The following SNX29 variants were observed in gnomAD, a reference collection of about 807,000 sequenced individuals.
The protein encoded by SNX29 is sorting nexin-29.
Under a neutral mutation model 102.1 loss-of-function variants are expected in SNX29, and 78 were observed. That is an observed-to-expected ratio of 0.76 (90% CI 0.64 to 0.92). The LOEUF (loss-of-function observed/expected upper bound fraction) is 0.92, where lower values mean the gene tolerates loss of function less well. Ranked by LOEUF, SNX29 falls within the 40% of genes least tolerant of loss-of-function variation. The pLI, the probability that SNX29 is intolerant of heterozygous loss-of-function variation, is 0.00. For synonymous variants in SNX29, 580 were observed against 414.5 expected (o/e 1.40, Z -4.85); for missense variants, 1,280 against 1,061.7 (o/e 1.21, Z -2.86).
Position 12,279,681 on chromosome 16 carries a change from G to A in SNX29, c.1782+1645G>A, listed in dbSNP as rs79428149. Among the ~76,000 whole-genome samples, 496 of 152,316 alleles carry A rather than the reference G, an allele frequency of 3.3e-3. 2 individuals carry two copies. The highest frequency in any genetic ancestry group is 8.9e-3 in the African/African-American group (370 of 41,580). ...GTGTCAGGATTCGAACCCCTGAAAG[G>A]TAGGACTGTGTCTTTGCCACCTCTG... On this transcript the variant is annotated intron_variant, in intron 15 of 20. Coordinates refer to ENST00000566228, the MANE Select transcript of SNX29 (RefSeq NM_032167.5).
intron 20 of SNX29, among the ~76,000 whole-genome samples, chr16:12,555,033 G>A (rs77095245): frequency 0.013 from 1,938 of 151,738 alleles, 39 homozygotes; most frequent in African/African-American, 0.044. Context: ...CCTGCCTGGT[G>A]CCACCGAGCA....
intron 20 of SNX29, among the ~76,000 whole-genome samples, chr16:12,546,895 G>A (rs1393711557): frequency 1.3e-5 from 2 of 152,228 alleles, no homozygotes; most frequent in South Asian, 2.1e-4. Flanking sequence ...AGGGCTAGGA[G>A]TGCAGCTGGA....
chr16:12,481,793 A>G (rs995249722), intron 19 of SNX29, among the ~76,000 whole-genome samples: 3 of 152,142 alleles, frequency 2.0e-5, no homozygotes, highest in Non-Finnish European at 2.9e-5. Flanking sequence ...CCTCGGCCTC[A>G]CAAAGTGCTG....
intron 14 of SNX29, among the ~76,000 whole-genome samples, chr16:12,216,776 C>T (rs1044494447): frequency 1.7e-4 from 24 of 140,250 alleles, no homozygotes; most frequent in African/African-American, 4.1e-4. Context: ...CAAATTCACT[C>T]GCTTTCTCCA....
chr16:12,427,500 G>A (rs567664115), intron 18 of SNX29, among the ~76,000 whole-genome samples: 4 of 151,852 alleles, frequency 2.6e-5, no homozygotes, highest in African/African-American at 9.7e-5. Context: ...ATTTCCTTTT[G>A]ACAAATAGTA....
Position 12,550,956 on chromosome 16 carries a change from G to T in SNX29, c.2319-17550G>T, listed in dbSNP as rs144893787. Reference sequence around the variant, plus strand: ...AATTTTTAGTTGAATCATAAAGGTAGAATGGGCTTAGGGCACAACAAAAAG... The same window carrying T: ...AATTTTTAGTTGAATCATAAAGGTATAATGGGCTTAGGGCACAACAAAAAG... On this transcript the variant is annotated intron_variant, in intron 20 of 20. Coordinates refer to ENST00000566228, the MANE Select transcript of SNX29 (RefSeq NM_032167.5). Among the ~76,000 whole-genome samples the T allele has an allele frequency of 6.8e-3, 1,028 of 152,288 alleles. 14 individuals are homozygous for T. The highest frequency in any genetic ancestry group is 0.023 in the African/African-American group (976 of 41,552).
intron 20 of SNX29, among the ~76,000 whole-genome samples, chr16:12,532,975 A>T (rs917497287): frequency 1.3e-5 from 2 of 152,230 alleles, no homozygotes; most frequent in Non-Finnish European, 2.9e-5. Flanking sequence ...GTGGCGCAGC[A>T]CGGCTGTGGT....
intron 14 of SNX29, among the ~76,000 whole-genome samples, chr16:12,261,238 G>A (rs1250478844): frequency 2.2e-5 from 3 of 134,242 alleles, no homozygotes; most frequent in Non-Finnish European, 3.1e-5. Context: ...TGCTGAGCTC[G>A]GGTCTGTGTG....
intron 19 of SNX29, among the ~76,000 whole-genome samples, chr16:12,480,512 C>A (rs980143216): frequency 1.3e-5 from 2 of 152,190 alleles, no homozygotes; most frequent in African/African-American, 4.8e-5. Context: ...CACCCTTTGT[C>A]TCAAGATCCC....
intron 3 of SNX29, among the ~76,000 whole-genome samples, chr16:12,010,489 G>T (rs370425632): frequency 6.6e-6 from 1 of 152,080 alleles, no homozygotes; most frequent in Non-Finnish European, 1.5e-5. Flanking sequence ...AGCCAGGTGC[G>T]GTGGTGCAGG....
At chr16:12,368,477 A>G (rs2082567876) in intron 16 of SNX29, among the ~76,000 whole-genome samples, 1 of 152,206 alleles carries the variant, frequency 6.6e-6, no homozygotes, top group African/African-American at 2.4e-5. Context: ...TTGTGTGGCC[A>G]CTTTACCCAA....
rs189254402 is a variant in SNX29, at chr16:12,368,449, C to T, written c.1899+12170C>T. ...GCATTTTCCACACTGGCTTACATCG[C>T]CTGTCGGTCACTGTGTTTTGTGTGG... On this transcript the variant is annotated intron_variant, in intron 16 of 20. Coordinates refer to ENST00000566228, the MANE Select transcript of SNX29 (RefSeq NM_032167.5). Among the ~76,000 whole-genome samples, 6 of 152,320 alleles carry T rather than the reference C, an allele frequency of 3.9e-5. No individual in the cohort carries two copies. In the East Asian group the frequency reaches 9.6e-4, roughly 24 times the overall value.
intron 18 of SNX29, among the ~76,000 whole-genome samples, chr16:12,433,318 C>T (rs769006531): frequency 7.2e-5 from 11 of 152,120 alleles, no homozygotes; most frequent in East Asian, 3.9e-4. Context: ...TTTAGAAACT[C>T]GGCTCACAGG....
chr16:12,568,359 G>C, intron 20 of SNX29, 147 bp from the exon 21 acceptor site: 4 of 1,062,376 alleles, frequency 3.8e-6, no homozygotes, highest in Non-Finnish European at 4.0e-6. Flanking sequence ...CATTTCTTCA[G>C]GTGGCACCAG....
intron 1 of SNX29, among the ~76,000 whole-genome samples, chr16:11,992,699 GTGCC>G (rs2055900643): frequency 6.6e-6 from 1 of 152,172 alleles, no homozygotes; most frequent in East Asian, 1.9e-4. Flanking sequence ...GCTTGACTGT[GTGCC>G]CTTGGGCAGA....
intron 20 of SNX29, among the ~76,000 whole-genome samples, chr16:12,563,722 G>C (rs1267802963): frequency 6.6e-6 from 1 of 152,216 alleles, no homozygotes; most frequent in Non-Finnish European, 1.5e-5. Context: ...GAAAGCCAGA[G>C]ATGGCACTGT....
intron 15 of SNX29, among the ~76,000 whole-genome samples, chr16:12,340,866 G>A (rs1214459720): frequency 6.6e-6 from 1 of 152,108 alleles, no homozygotes; most frequent in Non-Finnish European, 1.5e-5. Flanking sequence ...AGCCTTTTAC[G>A]TGGAGTCTTT....
intron 19 of SNX29, among the ~76,000 whole-genome samples, chr16:12,511,373 A>C (rs1204724187): frequency 6.6e-6 from 1 of 152,066 alleles, no homozygotes; most frequent in Non-Finnish European, 1.5e-5. Context: ...TGCTTTGCCA[A>C]ATGGGGATAT....
intron 20 of SNX29, among the ~76,000 whole-genome samples, chr16:12,541,077 C>A (rs1178089342): frequency 6.6e-6 from 1 of 152,172 alleles, no homozygotes; most frequent in African/African-American, 2.4e-5. Context: ...TATTGACTAG[C>A]TGCCTCATGC....
Sources: allele counts gnomAD v4.1 joint callset (sites outside exome capture counted in the v4.1 genomes callset), GRCh38; gene constraint gnomAD v4.1.1; transcripts MANE v1.5; gene names NCBI Gene and HGNC (gene_info 2026-07-23, HGNC 2026-07-21).